Variants in CEP128 observed in about 807,000 individuals in gnomAD.
CEP128 encodes centrosomal protein 128, also known as centrosomal protein 128kDa.
In CEP128, 132 loss-of-function variants were observed where a neutral mutation model predicts 156.7. That is an observed-to-expected ratio of 0.84 (90% confidence interval 0.73 to 0.97). The LOEUF (loss-of-function observed/expected upper bound fraction) is 0.97. CEP128 is among the 50% of genes least tolerant of loss of function. The pLI, the probability that CEP128 is intolerant of heterozygous loss-of-function variation, is 0.00. For missense variants in CEP128, 1,252 were observed against 1,281.9 expected, an observed-to-expected ratio of 0.98 and a Z score of 0.36; for synonymous variants, 469 against 448.9, an observed-to-expected ratio of 1.04 and a Z score of -0.57.
chr14:80,760,192 T>C (rs189381475), intron 17 of CEP128, among the ~76,000 whole-genome samples: 79 of 151,966 alleles, frequency 5.2e-4, no homozygotes, highest in Non-Finnish European at 1.0e-3. Flanking sequence ...ACAATAGTTC[T>C]AAAAGAGTTA....
chr14:80,864,353 A>C (rs995117760), intron 8 of CEP128, among the ~76,000 whole-genome samples: 3 of 152,156 alleles, frequency 2.0e-5, no homozygotes, highest in African/African-American at 7.2e-5. Flanking sequence ...GAGTAGTTAA[A>C]ATTTCTCTGA....
chr14:80,587,573 T>C (rs775276527), intron 19 of CEP128, among the ~76,000 whole-genome samples: 3 of 152,282 alleles, frequency 2.0e-5, no homozygotes, highest in Non-Finnish European at 2.9e-5. Context: ...AATAGCATAA[T>C]AATCTACCCC....
chr14:80,757,896 C>T (rs565448113), intron 17 of CEP128, among the ~76,000 whole-genome samples: 1 of 152,292 alleles, frequency 6.6e-6, no homozygotes, highest in Non-Finnish European at 1.5e-5. Context: ...CTCTCATCCA[C>T]CTTTCTATCT....
intron 19 of CEP128, among the ~76,000 whole-genome samples, chr14:80,664,572 G>A (rs759432749): frequency 6.6e-6 from 1 of 152,140 alleles, no homozygotes; most frequent in Non-Finnish European, 1.5e-5. Flanking sequence ...CTAAGAGGTT[G>A]ACATTATTTA....
intron 9 of CEP128, among the ~76,000 whole-genome samples, chr14:80,859,537 T>TA (rs2140149125): frequency 6.6e-6 from 1 of 151,720 alleles, no homozygotes; most frequent in Admixed American, 6.6e-5. Flanking sequence ...CCCTAAAACT[T>TA]AAAGTATAAT....
At chr14:80,618,030 A>G (rs1267384048) in intron 19 of CEP128, among the ~76,000 whole-genome samples, 1 of 152,212 alleles carries the variant, frequency 6.6e-6, no homozygotes, top group Non-Finnish European at 1.5e-5. Context: ...TAATGCACGT[A>G]AAACACTTGG....
chr14:80,757,027 C>T (rs556233454), intron 17 of CEP128, 76 bp from the exon 18 acceptor site: 1 of 992,966 alleles, frequency 1.0e-6, no homozygotes, highest in East Asian at 2.6e-5. Context: ...TTCTTCACCA[C>T]AGTATCCAAA....
intron 19 of CEP128, among the ~76,000 whole-genome samples, chr14:80,654,475 A>T (rs1202336392): frequency 3.3e-5 from 5 of 152,120 alleles, no homozygotes; most frequent in Admixed American, 3.3e-4. Context: ...TGAACCAAGG[A>T]TACAAAGCCA....
chr14:80,955,093 C>G (rs569006109), intron 2 of CEP128: 1 of 170,766 alleles, frequency 5.9e-6, no homozygotes, highest in Non-Finnish European at 1.3e-5. Flanking sequence ...GCCAGGGCTG[C>G]GTGCCCGCCT....
rs1045107106 is a variant in CEP128, at chr14:80,807,202, A to C, written c.1210-14092T>G. ...AGCCACCCAATATTCAAATAATTAA[A>C]GTAAAATCAGGGTACTTTCTATGCC... On this transcript the variant is annotated intron_variant, in intron 13 of 24. Coordinates refer to ENST00000555265, the MANE Select transcript of CEP128 (RefSeq NM_152446.5). Among the ~76,000 whole-genome samples, 11 of 152,306 alleles carry C rather than the reference A, an allele frequency of 7.2e-5. No homozygotes were observed. The East Asian group carries it at 1.9e-3, about 27-fold the overall frequency.
At chr14:80,909,371 T>TCACACACACA (rs36082524) in intron 4 of CEP128, among the ~76,000 whole-genome samples, 2,097 of 142,388 alleles carry the variant, frequency 0.015, 32 homozygotes, top group African/African-American at 0.029. Flanking sequence ...AAGTGAATTT[T>TCACACACACA]CACACACACA....
At chr14:80,954,931 G>A (rs577708810) in intron 2 of CEP128, 2 of 153,130 alleles carry the variant, frequency 1.3e-5, no homozygotes, top group East Asian at 3.9e-4. Context: ...TGGCCCCAAA[G>A]TTCAGTTCCT....
downstream of CEP128, among the ~76,000 whole-genome samples, chr14:80,488,990 G>A (rs1474424929): frequency 6.7e-6 from 1 of 149,388 alleles, no homozygotes; most frequent in Admixed American, 6.7e-5. Context: ...GTTGTGGGTT[G>A]GGGGGAGGGG....
intron 21 of CEP128, among the ~76,000 whole-genome samples, chr14:80,553,916 G>T (rs1566776226): frequency 6.6e-6 from 1 of 152,098 alleles, no homozygotes; most frequent in South Asian, 2.1e-4. Context: ...CAGAAGTTGT[G>T]GAATAGCACA....
intron 23 of CEP128, among the ~76,000 whole-genome samples, chr14:80,519,192 C>T (rs1229996366): frequency 6.6e-6 from 1 of 152,190 alleles, no homozygotes; most frequent in Non-Finnish European, 1.5e-5. Flanking sequence ...GCTAGTTAGC[C>T]AGAATTCTCT....
intron 19 of CEP128, among the ~76,000 whole-genome samples, chr14:80,584,334 C>T (rs72689070): frequency 0.13 from 19,659 of 151,452 alleles, 1,363 homozygotes; most frequent in South Asian, 0.22. Context: ...TCAGTAGAGA[C>T]GGGGTTTTAC....
At chr14:80,682,275 A>G (rs1896354458) in intron 19 of CEP128, among the ~76,000 whole-genome samples, 1 of 152,220 alleles carries the variant, frequency 6.6e-6, no homozygotes, top group African/African-American at 2.4e-5. Flanking sequence ...GAACTTCTGG[A>G]ATTGAAAAAC....
At chr14:80,505,723 A>G (rs1415768569) in intron 23 of CEP128, among the ~76,000 whole-genome samples, 1 of 152,206 alleles carries the variant, frequency 6.6e-6, no homozygotes, top group Non-Finnish European at 1.5e-5. Flanking sequence ...TTTTACTAAT[A>G]AAATAGATTT....
intron 19 of CEP128, among the ~76,000 whole-genome samples, chr14:80,655,247 T>G (rs1895079611): frequency 6.6e-6 from 1 of 152,194 alleles, no homozygotes; most frequent in African/African-American, 2.4e-5. Flanking sequence ...TATTTATATC[T>G]CCATCCCTAT....
Sources: allele counts gnomAD v4.1 joint callset (sites outside exome capture counted in the v4.1 genomes callset), GRCh38; gene constraint gnomAD v4.1.1; transcripts MANE v1.5; gene names NCBI Gene and HGNC (gene_info 2026-07-23, HGNC 2026-07-21).